The following RRBP1 variants were observed in gnomAD, a reference collection of about 807,000 sequenced individuals.
RRBP1 encodes the protein ribosome binding protein 1, also known as ribosome-binding protein 1.
Under a neutral mutation model 165.2 loss-of-function variants are expected in RRBP1, and 94 were observed. That is an observed-to-expected ratio of 0.57 (90% CI 0.48 to 0.68). The LOEUF is 0.68. Ranked by LOEUF, RRBP1 falls within the 30% of genes least tolerant of loss-of-function variation. RRBP1 has a pLI of 0.00. For missense variants in RRBP1, 1,676 were observed against 1,763.0 expected, an observed-to-expected ratio of 0.95 and a Z score of 0.88; for synonymous variants, 680 against 714.5, an observed-to-expected ratio of 0.95 and a Z score of 0.77.
At position 17,619,757 on chromosome 20, in the gene RRBP1, A is replaced by G. The variant is rs748337331; in HGVS notation, c.3580-29T>C. The G allele has an allele frequency of 7.2e-6, 11 of 1,523,992 alleles. No homozygotes were observed. The East Asian group carries it at 1.2e-4, about 16-fold the overall frequency. 94.4% of individuals were successfully genotyped at this position (1,523,992 alleles called of 1,614,324 possible). ...GACAGATGCACAGACACGCACACGC[A>G]TGCGCCAGCAGCCTCTGCTCAAAGG... is the stretch of plus-strand genomic sequence containing the variant. On this transcript the variant is annotated intron_variant, in intron 18 of 24. Transcript: ENST00000377813.
At chr20:17,638,981 G>A (rs1568768060) in intron 5 of RRBP1, among the ~76,000 whole-genome samples, 2 of 152,118 alleles carry the variant, frequency 1.3e-5, no homozygotes, top group Non-Finnish European at 2.9e-5. Flanking sequence ...GGTCCCAGAG[G>A]GCCTTGGGGC....
At chr20:17,630,064 C>G in intron 8 of RRBP1, 103 bp from the exon 9 acceptor site, 1 of 1,296,414 alleles carries the variant, frequency 7.7e-7, no homozygotes. Flanking sequence ...ACCAAAGCCC[C>G]GTGCAGTCTC....
chr20:17,673,502 G>T (rs1043457435), intron 2 of RRBP1, among the ~76,000 whole-genome samples: 1 of 152,106 alleles, frequency 6.6e-6, no homozygotes, highest in Non-Finnish European at 1.5e-5. Context: ...TCCGCCTCCC[G>T]GGTTCAATTG....
intron 19 of RRBP1, 152 bp from the exon 20 acceptor site, chr20:17,618,831 C>T: frequency 1.6e-6 from 1 of 640,728 alleles, no homozygotes. Flanking sequence ...ACAGGGCTCG[C>T]CAGGCTTCCT....
At chr20:17,627,467 T>A in intron 10 of RRBP1, 37 bp downstream of exon 10, 1 of 1,605,960 alleles carries the variant, frequency 6.2e-7, no homozygotes, top group Non-Finnish European at 8.5e-7. Flanking sequence ...TAGATGGAGT[T>A]CCCTTTCCTC....
In RRBP1 at chr20:17,658,971, C is replaced by T. The variant is rs2036698267; in HGVS notation, c.1537G>A (p.Glu513Lys). Residue 513 changes from glutamate (E) to lysine (K), a missense_variant, in exon 3 of 25, where the codon GAG (glutamate) becomes AAG (lysine). This residue lies in a region of RRBP1 where 1,184 missense variants were observed against 1,167.1 expected (regional missense o/e 1.01). Transcript: ENST00000377813. ...TTTTTACCCTGATTCTGGGCTCCCT[C>T]TCCTTTTTGGCCCTGGTTCTGGGCT... is the stretch of plus-strand genomic sequence containing the variant. ...EGAQNQGQKG[E>K]GAQNQGKKTE... The T allele has an allele frequency of 2.5e-6, 4 of 1,612,510 alleles. No homozygotes were observed. The highest frequency in any genetic ancestry group is 2.5e-6 in the Non-Finnish European group (3 of 1,179,690).
chr20:17,675,553 G>T (rs1390051302), intron 2 of RRBP1, among the ~76,000 whole-genome samples: 1 of 151,944 alleles, frequency 6.6e-6, no homozygotes, highest in East Asian at 1.9e-4. Flanking sequence ...GGCAGGGAGT[G>T]GGGGTGGGAG....
At chr20:17,618,855 C>CT in intron 19 of RRBP1, 176 bp from the exon 20 acceptor site, 1 of 607,340 alleles carries the variant, frequency 1.6e-6, no homozygotes, top group Non-Finnish European at 3.0e-6. Context: ...GCTACGATTT[C>CT]TTTTTTGAGG....
chr20:17,614,693 G>A (rs369636538), intron 24 of RRBP1, 44 bp downstream of exon 24: 45 of 1,602,524 alleles, frequency 2.8e-5, no homozygotes, highest in South Asian at 1.5e-4. Flanking sequence ...CGGGGCTCCC[G>A]GCAGCTCGAC....
intron 7 of RRBP1, among the ~76,000 whole-genome samples, chr20:17,634,878 TC>T (rs1440775154): frequency 6.6e-6 from 1 of 151,950 alleles, no homozygotes; most frequent in Non-Finnish European, 1.5e-5. Flanking sequence ...TTGGCCCAGC[TC>T]CCCTCCCTGT....
Position 17,629,877 on chromosome 20 carries a change from C to T in RRBP1, c.2695G>A (p.Ala899Thr), listed in dbSNP as rs1213070441. ...RELCHTQSSH[A>T]SLRADAEKAQ... is the part of the protein sequence containing the mutation. ...TTCTCGGCATCCGCCCGGAGGCTGGCGTGGCTGCTCTGCGTGTGGCACAGC... is the reference window on the plus strand; with the variant it reads ...TTCTCGGCATCCGCCCGGAGGCTGGTGTGGCTGCTCTGCGTGTGGCACAGC... Residue 899 changes from alanine (A) to threonine (T), a missense_variant, in exon 9 of 25, where the codon GCC (alanine) becomes ACC (threonine). Ala to Thr is a moderately conservative substitution (Grantham distance 58). This residue lies in a region of RRBP1 where 1,184 missense variants were observed against 1,167.1 expected (regional missense o/e 1.01). Coordinates refer to ENST00000377813, the MANE Select transcript of RRBP1 (RefSeq NM_001365613.2). The T allele has an allele frequency of 1.4e-5, 22 of 1,600,208 alleles. No homozygotes were observed. Among genetic ancestry groups the T allele is most frequent in the African/African-American group, 2.7e-5 (2 of 75,052 alleles).
chr20:17,640,444 T>C (rs1600748834), intron 5 of RRBP1, among the ~76,000 whole-genome samples: 2 of 151,868 alleles, frequency 1.3e-5, no homozygotes, highest in African/African-American at 4.8e-5. Flanking sequence ...GCAGGGTGAG[T>C]GGCTGAGCTG....
At chr20:17,616,980 A>G (rs1361813815) in intron 20 of RRBP1, 141 bp from the exon 21 acceptor site, 1 of 744,358 alleles carries the variant, frequency 1.3e-6, no homozygotes, top group East Asian at 2.7e-5. Context: ...GGTAACTGTG[A>G]CCTATGTCTG....
intron 2 of RRBP1, among the ~76,000 whole-genome samples, chr20:17,675,669 T>C (rs1296811006): frequency 6.6e-6 from 1 of 152,068 alleles, no homozygotes; most frequent in Non-Finnish European, 1.5e-5. Context: ...TATGCCAAAG[T>C]AGACGCAAAG....
intron 3 of RRBP1, among the ~76,000 whole-genome samples, chr20:17,647,566 G>T (rs983349853): frequency 6.6e-6 from 1 of 152,204 alleles, no homozygotes; most frequent in Non-Finnish European, 1.5e-5. Flanking sequence ...CCTGGACCCT[G>T]GTCCTAAGAG....
intron 3 of RRBP1, among the ~76,000 whole-genome samples, chr20:17,647,975 C>T (rs2122391872): frequency 6.6e-6 from 1 of 152,272 alleles, no homozygotes; most frequent in Non-Finnish European, 1.5e-5. Context: ...AGGTGAAGAC[C>T]CTGGGGCCCC....
intron 2 of RRBP1, among the ~76,000 whole-genome samples, chr20:17,664,854 T>A (rs1212010794): frequency 6.6e-6 from 1 of 152,108 alleles, no homozygotes; most frequent in Non-Finnish European, 1.5e-5. Context: ...TTCCTGGGCA[T>A]AAGGTGACCT....
chr20:17,654,223 G>T (rs1418539081), intron 3 of RRBP1, among the ~76,000 whole-genome samples: 1 of 152,168 alleles, frequency 6.6e-6, no homozygotes, highest in Non-Finnish European at 1.5e-5. Context: ...GTCATTCCAG[G>T]ACTCAAATGT....
chr20:17,635,390 C>A (rs2036228832), intron 7 of RRBP1, among the ~76,000 whole-genome samples, 156 bp downstream of exon 7: 2 of 152,196 alleles, frequency 1.3e-5, no homozygotes, highest in South Asian at 4.1e-4. Context: ...ACTCAGGGGC[C>A]CAGAACCCAG....
Sources: allele counts gnomAD v4.1 joint callset (sites outside exome capture counted in the v4.1 genomes callset), GRCh38; gene constraint gnomAD v4.1.1; regional missense constraint gnomAD v4.1.1; transcripts MANE v1.5; gene names NCBI Gene and HGNC (gene_info 2026-07-23, HGNC 2026-07-21).